KDM4B: variants seen among roughly 807,000 people sequenced by gnomAD.
KDM4B encodes lysine demethylase 4B, also known as lysine-specific demethylase 4B.
A neutral mutation model predicts 125.2 loss-of-function variants in KDM4B; 32 were observed. The ratio of observed to expected loss-of-function variants is 0.26; its 90% CI spans 0.19 to 0.34. The LOEUF is 0.34. Among genes scored for constraint, KDM4B ranks in the 10% least tolerant of loss-of-function variants. The probability of loss-of-function intolerance (pLI) is 1.00; values close to 1 mark genes in which losing one functional copy is unlikely to be tolerated. For missense variants in KDM4B, 1,190 were observed against 1,577.7 expected (o/e 0.75, Z 4.16); for synonymous variants, 721 against 677.9 (o/e 1.06, Z -0.99).
chr19:4,985,077 C>T (rs1005306859), intron 1 of KDM4B, among the ~76,000 whole-genome samples: 12 of 152,156 alleles, frequency 7.9e-5, no homozygotes, highest in Non-Finnish European at 4.4e-5. Context: ...AATCCTAGCA[C>T]TTTGGGAGGC....
At chr19:5,129,865 G>A (rs1027190482) in intron 11 of KDM4B, among the ~76,000 whole-genome samples, 1 of 152,204 alleles carries the variant, frequency 6.6e-6, no homozygotes, top group Non-Finnish European at 1.5e-5. Flanking sequence ...GGTCTTCCTC[G>A]AGGACAGGGC....
Position 5,035,014 on chromosome 19 carries a change from G to A in KDM4B, c.141+1983G>A, listed in dbSNP as rs1374997125. On this transcript the variant is annotated intron_variant, in intron 3 of 22. Coordinates refer to ENST00000159111, the MANE Select transcript of KDM4B (RefSeq NM_015015.3). This position sits in a 1 kb window ranked among gnomAD's most constrained non-coding sequence, Gnocchi z 5.3. ...ATTTTTGATTGTAACACACCATGACGATGTGGGAATGATGGCACATCTGTG... is the reference window on the plus strand; with the variant it reads ...ATTTTTGATTGTAACACACCATGACAATGTGGGAATGATGGCACATCTGTG... Among the ~76,000 whole-genome samples, 10 of 152,176 alleles carry A rather than the reference G, an allele frequency of 6.6e-5. No homozygotes were observed. Among genetic ancestry groups the A allele is most frequent in the African/African-American group, 2.4e-4 (10 of 41,438 alleles).
chr19:5,048,694 G>A (rs1287385186), intron 6 of KDM4B, among the ~76,000 whole-genome samples: 1 of 152,222 alleles, frequency 6.6e-6, no homozygotes, highest in African/African-American at 2.4e-5. Context: ...ACCTGCGTCC[G>A]AAGCGCAGAT....
rs79518096 is a variant in KDM4B, at chr19:4,980,803, G to T, written c.-109+11573G>T. ...CCTGTTTTGTTTTCCATTCATCTCAGTGGGCATTTAAGTTGTTCTCATTTT... is the reference window on the plus strand; with the variant it reads ...CCTGTTTTGTTTTCCATTCATCTCATTGGGCATTTAAGTTGTTCTCATTTT... On this transcript the variant is annotated intron_variant, in intron 1 of 22. Transcript: ENST00000159111. Among the ~76,000 whole-genome samples the T allele has an allele frequency of 3.9e-4, 60 of 152,206 alleles. 2 individuals are homozygous for T. In the East Asian group the frequency reaches 0.011, roughly 28 times the overall value.
At chr19:5,126,746 G>A (rs989758034) in intron 11 of KDM4B, among the ~76,000 whole-genome samples, 2 of 152,224 alleles carry the variant, frequency 1.3e-5, no homozygotes, top group Non-Finnish European at 2.9e-5. Context: ...ACCGTCAGGC[G>A]CACCCGGCTG....
At chr19:4,991,852 C>T (rs990299009) in intron 1 of KDM4B, among the ~76,000 whole-genome samples, 9 of 152,296 alleles carry the variant, frequency 5.9e-5, no homozygotes, top group Admixed American at 2.0e-4. Flanking sequence ...GGAATCACAG[C>T]GTATTTAACC....
intron 9 of KDM4B, among the ~76,000 whole-genome samples, chr19:5,084,402 T>TATATAAATTACATAATTTATATATATAA (rs2038406335): frequency 7.0e-6 from 1 of 142,554 alleles, no homozygotes; most frequent in Non-Finnish European, 1.5e-5. Flanking sequence ...TAAAATAAAT[T>TATATAAATTACATAATTTATATATATAA]ATATAAATTA....
intron 6 of KDM4B, among the ~76,000 whole-genome samples, chr19:5,057,444 C>T (rs994718652): frequency 2.0e-5 from 3 of 152,292 alleles, no homozygotes; most frequent in Non-Finnish European, 2.9e-5. Context: ...CTGCCGTGGA[C>T]GGACATTTGG....
At chr19:5,117,171 TGAG>T (rs1162352826) in intron 10 of KDM4B, among the ~76,000 whole-genome samples, 1 of 152,172 alleles carries the variant, frequency 6.6e-6, no homozygotes, top group Admixed American at 6.5e-5. Flanking sequence ...GCTGCAAGGA[TGAG>T]GCCCCAGAGC....
At chr19:5,105,985 G>A (rs1031016045) in intron 9 of KDM4B, among the ~76,000 whole-genome samples, 9 of 152,328 alleles carry the variant, frequency 5.9e-5, no homozygotes, top group Admixed American at 1.3e-4. Context: ...AATAAGTAGC[G>A]CAGAAGTGTT....
At chr19:5,088,931 C>T (rs949925786) in intron 9 of KDM4B, among the ~76,000 whole-genome samples, 1 of 152,126 alleles carries the variant, frequency 6.6e-6, no homozygotes, top group Admixed American at 6.5e-5. Flanking sequence ...CTGAGGACAC[C>T]CCGCTCAGTG....
chr19:5,019,906 GTGT>G (rs1006007672), intron 2 of KDM4B, among the ~76,000 whole-genome samples: 8 of 148,444 alleles, frequency 5.4e-5, no homozygotes, highest in Non-Finnish European at 1.5e-5. Context: ...TAGTGTGCAG[GTGT>G]TGGTGTGGAT....
rs535349042 is a variant in KDM4B at position 5,065,787 on chromosome 19, G to A, written c.627-5223G>A. Among the ~76,000 whole-genome samples the A allele has an allele frequency of 1.8e-3, 274 of 152,342 alleles. 1 individual carries two copies. Among genetic ancestry groups the A allele is most frequent in the South Asian group, 8.9e-3 (43 of 4,830 alleles). ...CATCCATCCCCTCCTCTGCACGGCCGGGGGCTTCTGGGGCCCATGGCAAAG... is the reference window on the plus strand; with the variant it reads ...CATCCATCCCCTCCTCTGCACGGCCAGGGGCTTCTGGGGCCCATGGCAAAG... On this transcript the variant is annotated intron_variant, in intron 6 of 22. Coordinates refer to ENST00000159111, the MANE Select transcript of KDM4B (RefSeq NM_015015.3).
intron 21 of KDM4B, among the ~76,000 whole-genome samples, chr19:5,145,416 A>C (rs532699519): frequency 6.6e-6 from 1 of 152,094 alleles, no homozygotes; most frequent in Non-Finnish European, 1.5e-5. Flanking sequence ...CCCTGTCTCT[A>C]CTAAAAATAC....
At chr19:5,092,835 A>T (rs1257072028) in intron 9 of KDM4B, among the ~76,000 whole-genome samples, 2 of 152,194 alleles carry the variant, frequency 1.3e-5, no homozygotes, top group Non-Finnish European at 2.9e-5. Flanking sequence ...ATCCCGGCTC[A>T]TGGCTGTTCC....
intron 21 of KDM4B, among the ~76,000 whole-genome samples, chr19:5,149,622 A>G (rs1357380390): frequency 2.0e-5 from 3 of 152,122 alleles, no homozygotes; most frequent in Admixed American, 6.5e-5. Flanking sequence ...GGGCCTGGAG[A>G]CACGCCCCTC....
intron 9 of KDM4B, among the ~76,000 whole-genome samples, chr19:5,088,942 A>G (rs1236114089): frequency 6.6e-6 from 1 of 152,200 alleles, no homozygotes; most frequent in Non-Finnish European, 1.5e-5. Context: ...CCGCTCAGTG[A>G]GAGAAGCCAG....
intron 3 of KDM4B, among the ~76,000 whole-genome samples, chr19:5,034,311 A>G (rs1469752974): frequency 6.6e-6 from 1 of 152,154 alleles, no homozygotes; most frequent in Non-Finnish European, 1.5e-5. Flanking sequence ...CTGTTTGACT[A>G]TCGCTGTTCT....
chr19:5,144,522 G>A, intron 20 of KDM4B, 110 bp downstream of exon 20: 1 of 1,063,816 alleles, frequency 9.4e-7, no homozygotes, highest in Non-Finnish European at 1.3e-6. Context: ...GAAGCTAGGA[G>A]TGGCCTGACT....
Sources: allele counts gnomAD v4.1 joint callset (sites outside exome capture counted in the v4.1 genomes callset), GRCh38; gene constraint gnomAD v4.1.1; non-coding constraint Gnocchi (gnomAD v3.1); transcripts MANE v1.5; gene names NCBI Gene and HGNC (gene_info 2026-07-23, HGNC 2026-07-21).